Variants in SORL1 observed in about 807,000 individuals in gnomAD.
The protein encoded by SORL1 is sortilin-related receptor.
Under a neutral mutation model 273.7 loss-of-function variants are expected in SORL1, and 127 were observed. The observed-to-expected ratio is 0.46, with a 90% confidence interval of 0.40 to 0.54. SORL1 has a LOEUF of 0.54. SORL1 is among the 20% of genes least tolerant of loss of function. The pLI, the probability that SORL1 is intolerant of heterozygous loss-of-function variation, is 0.00. For synonymous variants in SORL1, 1,031 were observed against 1,067.4 expected, an observed-to-expected ratio of 0.97 and a Z score of 0.66; for missense variants, 2,494 against 2,846.1, an observed-to-expected ratio of 0.88 and a Z score of 2.81.
chr11:121,463,544 A>G (rs1861036608), intron 1 of SORL1, among the ~76,000 whole-genome samples: 1 of 152,220 alleles, frequency 6.6e-6, no homozygotes, highest in Non-Finnish European at 1.5e-5. Flanking sequence ...GAAAGGGCAT[A>G]TGTGTATTTT....
At chr11:121,463,616 A>C (rs764650929) in intron 1 of SORL1, among the ~76,000 whole-genome samples, 2 of 151,614 alleles carry the variant, frequency 1.3e-5, no homozygotes, top group Non-Finnish European at 2.9e-5. Flanking sequence ...GTTCTAGTCC[A>C]AGGTTATTCT....
chr11:121,565,589 C>T lies in SORL1; in HGVS notation c.3050-1351C>T, dbSNP rs575617546. Among the ~76,000 whole-genome samples the T allele has an allele frequency of 4.9e-4, 74 of 152,236 alleles. 1 individual carries two copies. Among genetic ancestry groups the T allele is most frequent in the East Asian group, 1.9e-3 (10 of 5,188 alleles). ...GGGCATCTCTGTCCATGACATAGCA[C>T]GAATGAAGAATTAGCAATTGAGTTT... On this transcript the variant is annotated intron_variant, in intron 21 of 47. Transcript: ENST00000260197.
chr11:121,465,532 CTT>C (rs796673283), intron 1 of SORL1, among the ~76,000 whole-genome samples: 11 of 144,502 alleles, frequency 7.6e-5, no homozygotes, highest in African/African-American at 7.5e-5. Context: ...GGTGTGTCTC[CTT>C]TTTTTTTTTT....
chr11:121,516,569 G>T lies in SORL1; in HGVS notation c.1211+2248G>T, dbSNP rs542749261. On this transcript the variant is annotated intron_variant, in intron 8 of 47. Coordinates refer to ENST00000260197, the MANE Select transcript of SORL1 (RefSeq NM_003105.6). ...CTCTGACAGTGCTTTTCCACTTCCTGTTTCTTCTCTTTTGGAGGTGCTGTC... is the reference window on the plus strand; with the variant it reads ...CTCTGACAGTGCTTTTCCACTTCCTTTTTCTTCTCTTTTGGAGGTGCTGTC... Among the ~76,000 whole-genome samples the T allele has an allele frequency of 3.3e-5, 5 of 152,230 alleles. No individual in the cohort carries two copies. The South Asian group carries it at 8.3e-4, about 25-fold the overall frequency.
chr11:121,612,303 G>A (rs1218177267), intron 39 of SORL1: 1 of 154,774 alleles, frequency 6.5e-6, no homozygotes, highest in East Asian at 1.9e-4. Flanking sequence ...AGTCTTTCCT[G>A]ATGGGTGGAT....
intron 1 of SORL1, among the ~76,000 whole-genome samples, chr11:121,465,348 A>C (rs560996543): frequency 6.6e-6 from 1 of 152,294 alleles, no homozygotes; most frequent in East Asian, 1.9e-4. Flanking sequence ...ATATATCATC[A>C]GTATATCCTA....
intron 28 of SORL1, 49 bp from the exon 29 acceptor site, chr11:121,589,210 C>T (rs1026814939): frequency 6.2e-7 from 1 of 1,606,978 alleles, no homozygotes; most frequent in African/African-American, 1.3e-5. Context: ...TGCTTCGACC[C>T]CTCAGCATGG....
chr11:121,563,587 G>T lies in SORL1; in HGVS notation c.3050-3353G>T, dbSNP rs528035451. ...ATTTTTTGTATTTTAGTAGAGATTG[G>T]GTTTCACCATGTTGCCCAGGCTGGT... On this transcript the variant is annotated intron_variant, in intron 21 of 47. Transcript: ENST00000260197. The surrounding 1 kb of genome is among the most constrained non-coding windows in gnomAD (Gnocchi z 4.2). Among the ~76,000 whole-genome samples, 55 of 152,166 alleles carry T rather than the reference G, an allele frequency of 3.6e-4. No individual in the cohort carries two copies. Among genetic ancestry groups the T allele is most frequent in the Admixed American group, 3.5e-3 (53 of 15,268 alleles).
chr11:121,530,249 G>A (rs559563628), intron 11 of SORL1, among the ~76,000 whole-genome samples: 1 of 152,154 alleles, frequency 6.6e-6, no homozygotes, highest in Non-Finnish European at 1.5e-5. Context: ...CTTGCTCTTC[G>A]TTCTGGAAAA....
intron 5 of SORL1, among the ~76,000 whole-genome samples, chr11:121,492,546 A>T (rs1275678497): frequency 6.6e-6 from 1 of 152,190 alleles, no homozygotes; most frequent in East Asian, 1.9e-4. Context: ...TCCCTTCAAT[A>T]GAATGAAAGC....
chr11:121,605,517 C>T lies in SORL1; in HGVS notation c.4894C>T (p.Leu1632Phe). 1 of 1,614,126 alleles carries T rather than the reference C, an allele frequency of 6.2e-7. No homozygotes were observed. The highest frequency in any genetic ancestry group is 1.1e-5 in the South Asian group (1 of 91,076). Reference protein sequence around the residue: ...TYQVKVQVQCLSKAHNTNDFV... With the variant: ...TYQVKVQVQCFSKAHNTNDFV... ...TCAGGTTAAAGTACAGGTTCAGTGT[C>T]TCAGCAAGGCACACAACACCAATGA... The change falls in exon 35 of 48, where the codon CTC becomes TTC. Residue 1632 changes from leucine (L) to phenylalanine (F), a missense_variant. Coordinates refer to ENST00000260197, the MANE Select transcript of SORL1 (RefSeq NM_003105.6).
intron 24 of SORL1, chr11:121,577,028 G>A: frequency 7.6e-7 from 1 of 1,319,764 alleles, no homozygotes; most frequent in Non-Finnish European, 1.1e-6. Context: ...CAAGGATGCT[G>A]TTGTCAAGAG....
At chr11:121,546,906 G>A (rs1182049908) in intron 14 of SORL1, 1 of 152,172 alleles carries the variant, frequency 6.6e-6, no homozygotes, top group African/African-American at 2.4e-5. Flanking sequence ...GGAGTTCTGG[G>A]GCTCTGCGTT....
chr11:121,517,973 A>C (rs958755891), intron 8 of SORL1, among the ~76,000 whole-genome samples: 5 of 152,118 alleles, frequency 3.3e-5, no homozygotes, highest in Non-Finnish European at 7.4e-5. Context: ...GTGTCTGGGA[A>C]CTGCTTCTGA....
intron 33 of SORL1, among the ~76,000 whole-genome samples, chr11:121,604,912 A>G (rs778184524): frequency 2.6e-5 from 4 of 152,112 alleles, no homozygotes; most frequent in African/African-American, 4.8e-5. Flanking sequence ...TTGAAATCTA[A>G]GGATTTGTAA....
chr11:121,606,047 C>A (rs7925799), intron 35 of SORL1, among the ~76,000 whole-genome samples: 1 of 152,160 alleles, frequency 6.6e-6, no homozygotes, highest in Non-Finnish European at 1.5e-5. Flanking sequence ...CTCAGCCTCT[C>A]GCATAGCTGA....
chr11:121,480,952 G>C (rs1353890423), intron 3 of SORL1, among the ~76,000 whole-genome samples: 1 of 123,956 alleles, frequency 8.1e-6, no homozygotes, highest in Non-Finnish European at 1.7e-5. Context: ...CTAGTGCACA[G>C]ATACCTATAG....
At chr11:121,602,553 G>C (rs773278320) in intron 32 of SORL1, among the ~76,000 whole-genome samples, 2 of 152,140 alleles carry the variant, frequency 1.3e-5, no homozygotes, top group Non-Finnish European at 2.9e-5. Flanking sequence ...GCTCTCATGG[G>C]AACATTATCC....
intron 1 of SORL1, among the ~76,000 whole-genome samples, chr11:121,468,779 TG>T (rs1861126935): frequency 6.6e-6 from 1 of 152,292 alleles, no homozygotes; most frequent in East Asian, 1.9e-4. Context: ...GTGGGTGGAA[TG>T]TATGGTTCAG....
Sources: gnomAD v4.1 joint callset for allele counts (sites outside exome capture counted in the v4.1 genomes callset) on GRCh38, gnomAD v4.1.1 for gene constraint, Gnocchi (gnomAD v3.1) non-coding constraint, MANE v1.5 for transcripts, NCBI Gene and HGNC (gene_info 2026-07-23, HGNC 2026-07-21) for gene names.